The following PHF3 variants were observed in gnomAD, a reference collection of about 807,000 sequenced individuals.
PHF3 encodes the protein PHD finger protein 3.
PHF3 carries 41 observed loss-of-function variants against 178.4 expected under a neutral mutation model. The ratio of observed to expected loss-of-function variants is 0.23; its 90% CI spans 0.18 to 0.30. The LOEUF (loss-of-function observed/expected upper bound fraction) is 0.30. PHF3 is among the 10% of genes least tolerant of loss of function. The pLI, the probability that PHF3 is intolerant of heterozygous loss-of-function variation, is 1.00. For synonymous variants in PHF3, 842 were observed against 800.5 expected (o/e 1.05, Z -0.88); for missense variants, 2,346 against 2,398.1 (o/e 0.98, Z 0.45).
Position 63,698,660 on chromosome 6 carries a change from A to G in PHF3, c.2982+55A>G, listed in dbSNP as rs565509726. On this transcript the variant is annotated intron_variant, in intron 8 of 15. Coordinates refer to ENST00000262043, the MANE Select transcript of PHF3 (RefSeq NM_001370348.2). ...TTCCAACTTTCCTGAGTACATAGGTATCTCAGATTGTAATACAGTAGATCT... is the reference window on the plus strand; with the variant it reads ...TTCCAACTTTCCTGAGTACATAGGTGTCTCAGATTGTAATACAGTAGATCT... 162 of 1,251,482 alleles carry G rather than the reference A, an allele frequency of 1.3e-4. 1 individual carries two copies. In the South Asian group the frequency reaches 2.3e-3, roughly 18 times the overall value. The allele number at this position is 1,251,482 out of a possible 1,614,324, so 77.5% of individuals were successfully genotyped here.
chr6:63,684,358 A>T lies in PHF3; in HGVS notation c.636A>T (p.Glu212Asp). Residue 212 changes from glutamate to aspartate, a missense_variant, in exon 4 of 16, where the codon GAA becomes GAT. Transcript: ENST00000262043. ...GCGGACAAATTGAAGTGGTACCTGA[A>T]GTATCAGTGTCTTCAAGTCATTCTT... ...RNSGQIEVVP[E>D]VSVSSSHSSV... The T allele has an allele frequency of 6.2e-7, 1 of 1,613,966 alleles. No homozygotes were observed. The highest frequency in any genetic ancestry group is 8.5e-7 in the Non-Finnish European group (1 of 1,179,854).
chr6:63,712,577 T>A lies in PHF3; in HGVS notation c.4989T>A (p.Thr1663=). 1 of 1,613,870 alleles carries A rather than the reference T, an allele frequency of 6.2e-7. No individual in the cohort carries two copies. The highest frequency in any genetic ancestry group is 8.5e-7 in the Non-Finnish European group (1 of 1,179,912). The part of the protein sequence containing the change: ...RQAAGRSQPV[T]TSESKDGDSC... ...CAGCAGGACGAAGTCAGCCTGTAAC[T>A]ACTTCAGAAAGCAAAGATGGAGATA... The change falls in exon 16 of 16, where the codon ACT becomes ACA. Residue 1663 remains threonine, a synonymous_variant. Coordinates refer to ENST00000262043, the MANE Select transcript of PHF3 (RefSeq NM_001370348.2).
chr6:63,700,227 T>C, intron 8 of PHF3, 123 bp from the exon 9 acceptor site: 1 of 532,612 alleles, frequency 1.9e-6, no homozygotes, highest in Middle Eastern at 5.2e-4. Context: ...TAGTAGGTAA[T>C]ATATAAATAA....
At chr6:63,692,539 A>G (rs1318556532) in intron 5 of PHF3, among the ~76,000 whole-genome samples, 1 of 152,096 alleles carries the variant, frequency 6.6e-6, no homozygotes, top group East Asian at 1.9e-4. Flanking sequence ...TTCTTTCCTC[A>G]TTGTCTACCT....
chr6:63,683,767 T>G (rs1766542606), intron 3 of PHF3, among the ~76,000 whole-genome samples: 1 of 152,132 alleles, frequency 6.6e-6, no homozygotes, highest in African/African-American at 2.4e-5. Flanking sequence ...TGGTCTTGCT[T>G]TAATATGGGC....
At position 63,642,567 on chromosome 6, in the gene PHF3, C is replaced by T. The variant is rs191552593; in HGVS notation, c.-25-3960C>T. Among the ~76,000 whole-genome samples, 14 of 152,026 alleles carry T rather than the reference C, an allele frequency of 9.2e-5. No individual in the cohort carries two copies. The East Asian group carries it at 2.5e-3, about 27-fold the overall frequency. On this transcript the variant is annotated intron_variant, in intron 1 of 15. Coordinates refer to ENST00000262043, the MANE Select transcript of PHF3 (RefSeq NM_001370348.2). ...CTGTTGTCTGTAAAAATGAATTTACCCAGAAACAATTTCTGACTTTAACAT... is the reference window on the plus strand; with the variant it reads ...CTGTTGTCTGTAAAAATGAATTTACTCAGAAACAATTTCTGACTTTAACAT...
At chr6:63,670,975 T>A (rs1014171079) in intron 2 of PHF3, among the ~76,000 whole-genome samples, 2 of 152,192 alleles carry the variant, frequency 1.3e-5, no homozygotes, top group African/African-American at 4.8e-5. Context: ...TGTTTGTGTC[T>A]GTTTTTTTCA....
chr6:63,677,997 C>T (rs1342102872), intron 2 of PHF3, among the ~76,000 whole-genome samples: 2 of 151,912 alleles, frequency 1.3e-5, no homozygotes, highest in East Asian at 3.9e-4. Context: ...CCAAGGCAGA[C>T]GGATCACCTG....
rs1411240201 is a variant in PHF3 at position 63,642,210 on chromosome 6, T to G, written c.-25-4317T>G. Among the ~76,000 whole-genome samples the G allele has an allele frequency of 1.3e-5, 2 of 152,232 alleles. 1 individual carries two copies. The highest frequency in any genetic ancestry group is 1.3e-4 in the Admixed American group (2 of 15,284). Reference sequence around the variant, plus strand: ...AGGACCAAACTCAGCCATTCATAATTAAGACATGCTGTTCCCTTTGCCTAG... The same window carrying G: ...AGGACCAAACTCAGCCATTCATAATGAAGACATGCTGTTCCCTTTGCCTAG... On this transcript the variant is annotated intron_variant, in intron 1 of 15. Coordinates refer to ENST00000262043, the MANE Select transcript of PHF3 (RefSeq NM_001370348.2).
intron 2 of PHF3, among the ~76,000 whole-genome samples, chr6:63,658,728 G>A (rs1582021965): frequency 1.6e-5 from 1 of 63,660 alleles, no homozygotes; most frequent in Admixed American, 1.8e-4. Flanking sequence ...GTGTGTGTGT[G>A]TGTGTGTGTG....
chr6:63,695,964 A>G (rs2149595935), intron 6 of PHF3, among the ~76,000 whole-genome samples: 1 of 152,334 alleles, frequency 6.6e-6, no homozygotes, highest in East Asian at 1.9e-4. Flanking sequence ...GGAGCCTATT[A>G]GAAGACTTTG....
At chr6:63,636,418 G>C (rs1764338881) in intron 1 of PHF3, 2 of 152,522 alleles carry the variant, frequency 1.3e-5, no homozygotes, top group South Asian at 4.1e-4. Context: ...CGGAGGGTCG[G>C]GACCACGGCC....
rs530558082 is a variant in PHF3 at position 63,714,690 on chromosome 6, T to C, written c.*982T>C. The C allele has an allele frequency of 1.1e-4, 16 of 152,278 alleles. No individual in the cohort carries two copies. The highest frequency in any genetic ancestry group is 3.6e-4 in the African/African-American group (15 of 41,564). The allele number at this position is 152,278 out of a possible 1,614,324, so 9.4% of individuals were successfully genotyped here. On this transcript the variant is annotated 3_prime_UTR_variant, in exon 16 of 16. Coordinates refer to ENST00000262043, the MANE Select transcript of PHF3 (RefSeq NM_001370348.2). ...AACTACCTGTGAAACACTGTGCAGC[T>C]ATAGCCCACTTTATAGGTAAGTTTC...
At chr6:63,681,917 G>C (rs1433142785) in intron 3 of PHF3, among the ~76,000 whole-genome samples, 4 of 152,044 alleles carry the variant, frequency 2.6e-5, no homozygotes, top group African/African-American at 7.2e-5. Flanking sequence ...CAATCTGGCT[G>C]TACTGTTGTT....
At chr6:63,659,121 A>G (rs577256084) in intron 2 of PHF3, among the ~76,000 whole-genome samples, 3 of 152,318 alleles carry the variant, frequency 2.0e-5, no homozygotes, top group Non-Finnish European at 4.4e-5. Context: ...GGCCTAGCCA[A>G]GTTGACGTAT....
At chr6:63,659,223 C>T (rs1394699226) in intron 2 of PHF3, among the ~76,000 whole-genome samples, 1 of 151,988 alleles carries the variant, frequency 6.6e-6, no homozygotes, top group Non-Finnish European at 1.5e-5. Flanking sequence ...ATACATATAT[C>T]AAAATATGTT....
At chr6:63,669,091 C>T (rs916330657) in intron 2 of PHF3, among the ~76,000 whole-genome samples, 2 of 152,140 alleles carry the variant, frequency 1.3e-5, no homozygotes, top group Admixed American at 6.6e-5. Flanking sequence ...ACACTGGTGA[C>T]AGGAAAATTG....
chr6:63,684,297 A>C lies in PHF3; in HGVS notation c.575A>C (p.Glu192Ala). The change falls in exon 4 of 16, where the codon GAG becomes GCG. Residue 192 changes from glutamate (E) to alanine (A), a missense_variant. Transcript: ENST00000262043. ...GAAGTATGTATGTCACTGAAACCTGAGTACCATAAGGAGAATAGAAGGTGC... is the reference window on the plus strand; with the variant it reads ...GAAGTATGTATGTCACTGAAACCTGCGTACCATAAGGAGAATAGAAGGTGC... The part of the protein sequence containing the change: ...KEEVCMSLKP[E>A]YHKENRRCSR... 6.2e-7 allele frequency: 1 copy of C among 1,614,084 alleles called. No individual in the cohort carries two copies. The highest frequency in any genetic ancestry group is 1.3e-5 in the African/African-American group (1 of 75,064).
At position 63,723,169 on chromosome 6, in the gene PHF3, A is replaced by G. The variant is rs1331617678; in HGVS notation, c.*9461A>G. Reference sequence around the variant, plus strand: ...TTGAAAGCAAAAACTTTTTTCCTATAATGACATGAAAATTGTTTTAAAAAT... The same window carrying G: ...TTGAAAGCAAAAACTTTTTTCCTATGATGACATGAAAATTGTTTTAAAAAT... On this transcript the variant is annotated 3_prime_UTR_variant, in exon 16 of 16. Coordinates refer to ENST00000262043, the MANE Select transcript of PHF3 (RefSeq NM_001370348.2). Among the ~76,000 whole-genome samples the G allele has an allele frequency of 6.6e-6, 1 of 152,212 alleles. No homozygotes were observed. Among genetic ancestry groups the G allele is most frequent in the Non-Finnish European group, 1.5e-5 (1 of 68,028 alleles).
Sources: allele counts gnomAD v4.1 joint callset (sites outside exome capture counted in the v4.1 genomes callset), GRCh38; gene constraint gnomAD v4.1.1; transcripts MANE v1.5; gene names NCBI Gene and HGNC (gene_info 2026-07-23, HGNC 2026-07-21).